SCOC: variants seen among roughly 807,000 people sequenced by gnomAD.
SCOC encodes the protein short coiled-coil protein.
SCOC carries 7 observed loss-of-function variants against 9.9 expected under a neutral mutation model. That is an observed-to-expected ratio of 0.71 (90% CI 0.40 to 1.33). The LOEUF is 1.33. Among genes scored for constraint, SCOC ranks in the 40% most tolerant of loss-of-function variants. The pLI is 0.01. For missense variants in SCOC, 66 were observed against 89.7 expected (o/e 0.74, Z 1.07); for synonymous variants, 19 against 28.2 (o/e 0.67, Z 1.03).
In SCOC at chr4:140,381,949, T is replaced by A. The variant is rs1278625767; in HGVS notation, c.*845T>A. On this transcript the variant is annotated 3_prime_UTR_variant, in exon 4 of 4. Transcript: ENST00000608372. ...TAACCAAATATTTTCACTCCAGATT[T>A]GTGTTTTCTCTGGCACAGAGTAGAT... 1 of 152,192 alleles carries A rather than the reference T, an allele frequency of 6.6e-6. No homozygotes were observed. The highest frequency in any genetic ancestry group is 1.5e-5 in the Non-Finnish European group (1 of 68,022). The allele number at this position is 152,192 out of a possible 1,614,324, so 9.4% of individuals were successfully genotyped here.
intron 1 of SCOC, among the ~76,000 whole-genome samples, chr4:140,286,899 G>A (rs1181587696): frequency 6.6e-6 from 1 of 152,078 alleles, no homozygotes; most frequent in African/African-American, 2.4e-5. Flanking sequence ...AGAGATACTA[G>A]CTGTTCCCCC....
intron 2 of SCOC, among the ~76,000 whole-genome samples, chr4:140,363,515 T>C (rs1314411604): frequency 6.6e-6 from 1 of 152,196 alleles, no homozygotes. Context: ...ACAAATCTAT[T>C]ATAAAAAGTT....
At chr4:140,360,786 G>T (rs1240576484) in intron 2 of SCOC, 1 of 152,172 alleles carries the variant, frequency 6.6e-6, no homozygotes, top group Admixed American at 6.5e-5. Context: ...ACCCTCAAGG[G>T]ATTTAAGAAA....
intron 1 of SCOC, among the ~76,000 whole-genome samples, chr4:140,292,899 G>A (rs1731516642): frequency 6.6e-6 from 1 of 152,174 alleles, no homozygotes; most frequent in South Asian, 2.1e-4. Context: ...CATCACTGGG[G>A]CTTTGAAACT....
intron 1 of SCOC, among the ~76,000 whole-genome samples, chr4:140,322,935 G>A (rs1732543091): frequency 6.6e-6 from 1 of 152,110 alleles, no homozygotes; most frequent in Non-Finnish European, 1.5e-5. Context: ...CACAGGCCCA[G>A]AGTGCTAGGC....
intron 1 of SCOC, among the ~76,000 whole-genome samples, chr4:140,315,985 G>T (rs548206506): frequency 1.3e-5 from 2 of 152,082 alleles, no homozygotes; most frequent in Admixed American, 6.5e-5. Flanking sequence ...CCATCACCAG[G>T]TCTCTAGCTG....
At chr4:140,365,041 A>G (rs1179737440) in intron 2 of SCOC, among the ~76,000 whole-genome samples, 1 of 152,216 alleles carries the variant, frequency 6.6e-6, no homozygotes, top group Non-Finnish European at 1.5e-5. Flanking sequence ...GTTGTTATAA[A>G]AAAAAGTTGT....
intron 1 of SCOC, among the ~76,000 whole-genome samples, chr4:140,266,420 G>A (rs561320315): frequency 6.6e-6 from 1 of 152,180 alleles, no homozygotes; most frequent in Admixed American, 6.5e-5. Flanking sequence ...TTTCTGTGTT[G>A]GTAACTAAAA....
intron 1 of SCOC, among the ~76,000 whole-genome samples, chr4:140,257,713 G>A (rs1183889790): frequency 1.3e-5 from 2 of 152,184 alleles, no homozygotes; most frequent in African/African-American, 4.8e-5. Context: ...AGCATAGAAT[G>A]TGTGAAGAGC....
Position 140,383,879 on chromosome 4 carries a change from A to T in SCOC, c.*2775A>T, listed in dbSNP as rs1728635391. 6.6e-6 allele frequency: 1 copy of T among 152,214 alleles called. No individual in the cohort carries two copies. Among genetic ancestry groups the T allele is most frequent in the Admixed American group, 6.5e-5 (1 of 15,274 alleles). 9.4% of individuals were successfully genotyped at this position (152,214 alleles called of 1,614,324 possible). On this transcript the variant is annotated 3_prime_UTR_variant, in exon 4 of 4. Transcript: ENST00000608372. ...TATGTATTATTTTTGCCTTTCTTTA[A>T]TGGAGGCTATCTTGAGATCAACTAA...
At chr4:140,365,304 G>A (rs964874178) in intron 2 of SCOC, among the ~76,000 whole-genome samples, 23 of 152,140 alleles carry the variant, frequency 1.5e-4, no homozygotes, top group Non-Finnish European at 3.2e-4. Flanking sequence ...TCAAACCAGT[G>A]CCACATGATG....
At chr4:140,269,526 C>T (rs552960176) in intron 1 of SCOC, among the ~76,000 whole-genome samples, 2 of 152,238 alleles carry the variant, frequency 1.3e-5, no homozygotes, top group Admixed American at 6.5e-5. Context: ...ATAAATGAAT[C>T]AGCCCAGCTG....
intron 1 of SCOC, among the ~76,000 whole-genome samples, chr4:140,320,952 C>T (rs951752076): frequency 1.3e-5 from 2 of 152,076 alleles, no homozygotes; most frequent in African/African-American, 2.4e-5. Flanking sequence ...TATAAGAGGT[C>T]GCCCCTCTCC....
At chr4:140,345,460 G>A (rs914747140) in intron 2 of SCOC, among the ~76,000 whole-genome samples, 1 of 152,128 alleles carries the variant, frequency 6.6e-6, no homozygotes, top group Non-Finnish European at 1.5e-5. Context: ...AAGACACCAT[G>A]TTTCTTTGGC....
chr4:140,279,164 C>A (rs1018242675), intron 1 of SCOC, among the ~76,000 whole-genome samples: 1 of 152,186 alleles, frequency 6.6e-6, no homozygotes, highest in Non-Finnish European at 1.5e-5. Flanking sequence ...AATATTCTCT[C>A]TCATTCTCCA....
chr4:140,380,165 A>C (rs564820551), intron 3 of SCOC, among the ~76,000 whole-genome samples: 2 of 147,150 alleles, frequency 1.4e-5, no homozygotes, highest in East Asian at 4.0e-4. Flanking sequence ...GTCATCTGTG[A>C]CTTCCCTATT....
intron 1 of SCOC, among the ~76,000 whole-genome samples, chr4:140,288,508 C>T (rs1195563592): frequency 6.6e-6 from 1 of 151,858 alleles, no homozygotes; most frequent in African/African-American, 2.4e-5. Flanking sequence ...AAACACTACA[C>T]ACATACACAA....
chr4:140,298,455 G>A (rs1731713004), intron 1 of SCOC, among the ~76,000 whole-genome samples: 1 of 152,314 alleles, frequency 6.6e-6, no homozygotes, highest in African/African-American at 2.4e-5. Flanking sequence ...GGCTCCAGCT[G>A]GGAAACTGAA....
intron 1 of SCOC, among the ~76,000 whole-genome samples, chr4:140,320,066 G>C (rs549429843): frequency 1.3e-5 from 2 of 152,310 alleles, no homozygotes; most frequent in African/African-American, 4.8e-5. Flanking sequence ...GTTCCCAGAT[G>C]GTTAGGCATT....
Sources: gnomAD v4.1 joint callset for allele counts (sites outside exome capture counted in the v4.1 genomes callset) on GRCh38, gnomAD v4.1.1 for gene constraint, MANE v1.5 for transcripts, NCBI Gene and HGNC (gene_info 2026-07-23, HGNC 2026-07-21) for gene names.